FHIP1A: variants seen among roughly 807,000 people sequenced by gnomAD.
FHIP1A encodes the protein FHF complex subunit HOOK interacting protein 1A.
In FHIP1A, 61 loss-of-function variants were observed where a neutral mutation model predicts 88.6. The ratio of observed to expected loss-of-function variants is 0.69; its 90% CI spans 0.56 to 0.85. The LOEUF is 0.85. Ranked by LOEUF, FHIP1A falls within the 40% of genes least tolerant of loss-of-function variation. The probability of loss-of-function intolerance (pLI) is 0.00; values close to 1 mark genes in which losing one functional copy is unlikely to be tolerated. For missense variants in FHIP1A, 1,154 were observed against 1,273.5 expected, an observed-to-expected ratio of 0.91 and a Z score of 1.43; for synonymous variants, 478 against 496.0, an observed-to-expected ratio of 0.96 and a Z score of 0.48.
intron 7 of FHIP1A, among the ~76,000 whole-genome samples, chr4:151,617,613 C>T (rs908806359): frequency 6.6e-6 from 1 of 152,228 alleles, no homozygotes; most frequent in South Asian, 2.1e-4. Context: ...GGGCCAGGCG[C>T]GGTGGCTCAT....
intron 13 of FHIP1A, among the ~76,000 whole-genome samples, chr4:151,657,608 G>A (rs1047206199): frequency 2.6e-5 from 4 of 152,200 alleles, no homozygotes; most frequent in African/African-American, 9.7e-5. Flanking sequence ...ATTGTCCCCT[G>A]AGCTGTGACT....
chr4:151,551,958 T>C (rs1732751895), intron 3 of FHIP1A, among the ~76,000 whole-genome samples: 1 of 152,086 alleles, frequency 6.6e-6, no homozygotes, highest in African/African-American at 2.4e-5. Context: ...ATCCAGAATC[T>C]ACAAAGAACT....
intron 9 of FHIP1A, among the ~76,000 whole-genome samples, chr4:151,639,729 C>T (rs1213993924): frequency 1.3e-5 from 2 of 152,094 alleles, no homozygotes. Flanking sequence ...AGAGGAGCTC[C>T]GAGTTGCGAG....
chr4:151,526,409 G>A (rs1213162646), intron 3 of FHIP1A, among the ~76,000 whole-genome samples: 10 of 137,426 alleles, frequency 7.3e-5, no homozygotes, highest in Non-Finnish European at 1.3e-4. Flanking sequence ...CCTCCCTCCC[G>A]GACCGGGGTG....
In FHIP1A at chr4:151,416,558, T is replaced by C. The variant is rs1732898782; in HGVS notation, c.-356+7093T>C. Among the ~76,000 whole-genome samples the C allele has an allele frequency of 2.6e-5, 4 of 152,324 alleles. No homozygotes were observed. The South Asian group carries it at 8.3e-4, about 32-fold the overall frequency. Reference sequence around the variant, plus strand: ...CCTAAGTATATAGTGATATAAGGAATGTTTTAAAAGTATGATCTTCTTCAG... The same window carrying C: ...CCTAAGTATATAGTGATATAAGGAACGTTTTAAAAGTATGATCTTCTTCAG... On this transcript the variant is annotated intron_variant, in intron 1 of 13. Transcript: ENST00000435205.
intron 5 of FHIP1A, among the ~76,000 whole-genome samples, chr4:151,580,110 G>C (rs1334827132): frequency 6.6e-6 from 1 of 152,068 alleles, no homozygotes; most frequent in Non-Finnish European, 1.5e-5. Flanking sequence ...CCCATTTGTA[G>C]AGTCCAATAA....
intron 8 of FHIP1A, among the ~76,000 whole-genome samples, chr4:151,633,371 C>G (rs1736228286): frequency 1.3e-5 from 2 of 151,876 alleles, no homozygotes; most frequent in Non-Finnish European, 2.9e-5. Context: ...CTCTAGTGGT[C>G]TACCAAACAT....
In FHIP1A at chr4:151,505,932, T is replaced by G. The variant is rs561945169; in HGVS notation, c.-123+23284T>G. The stretch of plus-strand genomic sequence containing the variant: ...ATTGTGGGAAATTGGATAAAGGAAT[T>G]TTTTTCTTGAGATAGGGTCTTGCTC... On this transcript the variant is annotated intron_variant, in intron 3 of 13. Transcript: ENST00000435205. Among the ~76,000 whole-genome samples the G allele has an allele frequency of 5.9e-5, 9 of 152,290 alleles. No homozygotes were observed. The East Asian group carries it at 1.2e-3, about 20-fold the overall frequency.
chr4:151,571,297 A>C (rs746400530), intron 4 of FHIP1A, among the ~76,000 whole-genome samples: 1 of 152,222 alleles, frequency 6.6e-6, no homozygotes, highest in Non-Finnish European at 1.5e-5. Context: ...GCCCAGAATG[A>C]CTTCTTTCTA....
intron 2 of FHIP1A, among the ~76,000 whole-genome samples, chr4:151,471,728 A>T (rs1192067939): frequency 6.6e-6 from 1 of 152,032 alleles, no homozygotes; most frequent in Non-Finnish European, 1.5e-5. Context: ...TGAACAGTAT[A>T]TACTGCACCC....
intron 5 of FHIP1A, among the ~76,000 whole-genome samples, chr4:151,584,677 C>T (rs1734141553): frequency 6.6e-6 from 1 of 152,118 alleles, no homozygotes; most frequent in African/African-American, 2.4e-5. Context: ...CCACACGCTC[C>T]TCATGTTGTC....
At chr4:151,429,785 G>A (rs2126537664) in intron 1 of FHIP1A, among the ~76,000 whole-genome samples, 2 of 147,934 alleles carry the variant, frequency 1.4e-5, no homozygotes, top group Middle Eastern at 7.4e-3. Flanking sequence ...GGAGGCGGAG[G>A]TTGCAATGAG....
intron 2 of FHIP1A, among the ~76,000 whole-genome samples, chr4:151,469,222 A>G (rs750183166): frequency 3.3e-5 from 5 of 152,200 alleles, no homozygotes; most frequent in Non-Finnish European, 7.3e-5. Context: ...TCACAATCCT[A>G]TATTAGCTTG....
chr4:151,436,609 A>G (rs560342767), intron 1 of FHIP1A: 9 of 152,202 alleles, frequency 5.9e-5, no homozygotes, highest in Non-Finnish European at 1.3e-4. Context: ...AACTGGTTCC[A>G]GGACTTTTCC....
In FHIP1A at chr4:151,663,565, A is replaced by G. The variant is rs2126935918; in HGVS notation, c.*811A>G. On this transcript the variant is annotated 3_prime_UTR_variant, in exon 14 of 14. Transcript: ENST00000435205. ...TCAGATGAAGAAGTAATGGTATCAC[A>G]TATATATGTAAGAAGACAACCATCA... is the stretch of plus-strand genomic sequence containing the variant. 1 of 152,334 alleles carries G rather than the reference A, an allele frequency of 6.6e-6. No homozygotes were observed. Among genetic ancestry groups the G allele is most frequent in the East Asian group, 1.9e-4 (1 of 5,186 alleles). The allele number at this position is 152,334 out of a possible 1,614,324, so 9.4% of individuals were successfully genotyped here. A position where few individuals can be genotyped will look rare whatever the true frequency, so the allele number is the denominator to read the frequency against.
intron 1 of FHIP1A, among the ~76,000 whole-genome samples, chr4:151,434,403 A>G (rs1733724732): frequency 6.6e-6 from 1 of 152,224 alleles, no homozygotes; most frequent in Non-Finnish European, 1.5e-5. Flanking sequence ...AGCATATTCT[A>G]AATTTACATA....
At chr4:151,568,033 CT>C (rs1476509819) in intron 4 of FHIP1A, among the ~76,000 whole-genome samples, 4 of 152,148 alleles carry the variant, frequency 2.6e-5, no homozygotes, top group Admixed American at 2.0e-4. Context: ...ATATCATCAA[CT>C]TCTTGATTAT....
chr4:151,601,205 A>G (rs1734853584), intron 7 of FHIP1A, among the ~76,000 whole-genome samples: 1 of 152,136 alleles, frequency 6.6e-6, no homozygotes, highest in Non-Finnish European at 1.5e-5. Flanking sequence ...TCTTCCTTCC[A>G]GTCTCCTGCT....
chr4:151,506,111 G>A (rs139795007), intron 3 of FHIP1A, among the ~76,000 whole-genome samples: 2 of 152,080 alleles, frequency 1.3e-5, no homozygotes, highest in African/African-American at 4.8e-5. Flanking sequence ...TGTAGAGGTG[G>A]GTGTCTCACT....
Sources: gnomAD v4.1 joint callset for allele counts (sites outside exome capture counted in the v4.1 genomes callset) on GRCh38, gnomAD v4.1.1 for gene constraint, MANE v1.5 for transcripts, NCBI Gene and HGNC (gene_info 2026-07-23, HGNC 2026-07-21) for gene names.